Variants in GFM2 observed in about 807,000 individuals in gnomAD.
GFM2 encodes GTP dependent ribosome recycling factor mitochondrial 2.
GFM2 carries 72 observed loss-of-function variants against 95.4 expected under a neutral mutation model. The ratio of observed to expected loss-of-function variants is 0.76; its 90% CI spans 0.62 to 0.92. The LOEUF (loss-of-function observed/expected upper bound fraction) is 0.92. Ranked by LOEUF, GFM2 falls within the 40% of genes least tolerant of loss-of-function variation. GFM2 has a pLI of 0.00. For synonymous variants in GFM2, 276 were observed against 317.5 expected, an observed-to-expected ratio of 0.87 and a Z score of 1.39; for missense variants, 825 against 924.1, an observed-to-expected ratio of 0.89 and a Z score of 1.39.
At chr5:74,763,789 T>G in intron 1 of GFM2, 23 bp from the exon 2 acceptor site, 1 of 1,443,912 alleles carries the variant, frequency 6.9e-7, no homozygotes, top group Non-Finnish European at 9.7e-7. Flanking sequence ...ATATACAAAA[T>G]CAAAAAACTA....
intron 15 of GFM2, among the ~76,000 whole-genome samples, chr5:74,735,271 A>G (rs949201313): frequency 3.3e-5 from 5 of 152,126 alleles, no homozygotes; most frequent in Admixed American, 2.0e-4. Flanking sequence ...ACACAAAAAG[A>G]CTCAGTTTCA....
At chr5:74,746,344 C>T (rs576779043) in intron 8 of GFM2, among the ~76,000 whole-genome samples, 179 bp from the exon 9 acceptor site, 1 of 152,328 alleles carries the variant, frequency 6.6e-6, no homozygotes, top group East Asian at 1.9e-4. Context: ...CTGGAATAAA[C>T]TTTTATGTCA....
At position 74,759,376 on chromosome 5, in the gene GFM2, T is replaced by TG. The variant is rs928974343; in HGVS notation, c.198dup (p.Ile67HisfsTer3). The stretch of plus-strand genomic sequence containing the variant: ...TATAATGATAGTACTTACTTAGCTA[T>TG]GGGAGGATTGATGATGGAATGAAGG... On this transcript the variant is annotated frameshift_variant, in exon 4 of 21. Coordinates refer to ENST00000296805, the MANE Select transcript of GFM2 (RefSeq NM_032380.5). LOFTEE classifies it high-confidence loss of function. The TG allele has an allele frequency of 6.5e-7, 1 of 1,527,668 alleles. No individual in the cohort carries two copies. The highest frequency in any genetic ancestry group is 9.0e-7 in the Non-Finnish European group (1 of 1,107,094). The allele number at this position is 1,527,668 out of a possible 1,614,324, so 94.6% of individuals were successfully genotyped here. A position where few individuals can be genotyped will look rare whatever the true frequency, so the allele number is the denominator to read the frequency against.
Position 74,741,512 on chromosome 5 carries a change from T to G in GFM2, c.930+17A>C, listed in dbSNP as rs751051117. On this transcript the variant is annotated intron_variant, in intron 11 of 20. Transcript: ENST00000296805. Reference sequence around the variant, plus strand: ...ATTAGTAAAATTTTGTGAAAGCCATTGAATAATAAAATTTACCTTTTCAGC... The same window carrying G: ...ATTAGTAAAATTTTGTGAAAGCCATGGAATAATAAAATTTACCTTTTCAGC... 6.4e-6 allele frequency: 8 copies of G among 1,249,154 alleles called. No individual in the cohort carries two copies. The African/African-American group carries it at 1.2e-4, about 19-fold the overall frequency. The allele number at this position is 1,249,154 out of a possible 1,614,324, so 77.4% of individuals were successfully genotyped here. A position where few individuals can be genotyped will look rare whatever the true frequency, so the allele number is the denominator to read the frequency against.
intron 4 of GFM2, 30 bp from the exon 5 acceptor site, chr5:74,758,976 T>C (rs778068938): frequency 1.4e-6 from 2 of 1,443,784 alleles, no homozygotes; most frequent in Non-Finnish European, 9.7e-7. Flanking sequence ...AAGGTAAACT[T>C]TACTAAAATT....
chr5:74,761,322 C>T (rs550488029), intron 2 of GFM2, among the ~76,000 whole-genome samples: 1 of 152,252 alleles, frequency 6.6e-6, no homozygotes, highest in South Asian at 2.1e-4. Context: ...GGGGATGGAG[C>T]CAAACAATCT....
intron 17 of GFM2, among the ~76,000 whole-genome samples, chr5:74,726,492 CAAATAT>C (rs1561235338): frequency 1.3e-5 from 2 of 151,126 alleles, no homozygotes; most frequent in African/African-American, 4.8e-5. Context: ...AAAACCTTTA[CAAATAT>C]AAAAGGTAAG....
Position 74,745,782 on chromosome 5 carries a change from T to C in GFM2, c.745A>G (p.Asn249Asp), listed in dbSNP as rs1369220380. ...TCAAAGTCTTTTCCATCATTTGAAT[T>C]GCAATTCCAAAGAAGTTTTTCTTTC... ...VMKEKLLWNC[N>D]SNDGKDFERK... Residue 249 changes from asparagine to aspartate, a missense_variant, in exon 10 of 21, where the codon AAT (asparagine) becomes GAT (aspartate). Coordinates refer to ENST00000296805, the MANE Select transcript of GFM2 (RefSeq NM_032380.5). The C allele has an allele frequency of 6.2e-7, 1 of 1,613,546 alleles. No individual in the cohort carries two copies. The highest frequency in any genetic ancestry group is 1.3e-5 in the African/African-American group (1 of 74,936).
At chr5:74,745,113 C>T (rs894003356) in intron 10 of GFM2, among the ~76,000 whole-genome samples, 3 of 151,926 alleles carry the variant, frequency 2.0e-5, no homozygotes, top group East Asian at 1.9e-4. Context: ...CTGAGGTGGG[C>T]GATCACCTGA....
chr5:74,752,900 C>T (rs1330041192), intron 5 of GFM2, among the ~76,000 whole-genome samples: 1 of 152,158 alleles, frequency 6.6e-6, no homozygotes, highest in East Asian at 1.9e-4. Context: ...ACAAAAGAAT[C>T]TGAACAGTAG....
chr5:74,761,594 G>C (rs763744249), intron 2 of GFM2, among the ~76,000 whole-genome samples: 2 of 152,158 alleles, frequency 1.3e-5, no homozygotes, highest in Non-Finnish European at 2.9e-5. Context: ...GAGAGAAAAT[G>C]AGAACTGGAG....
rs372720848 is a variant in GFM2 at position 74,741,233 on chromosome 5, G to A, written c.930+296C>T. Among the ~76,000 whole-genome samples, 6 of 152,198 alleles carry A rather than the reference G, an allele frequency of 3.9e-5. No homozygotes were observed. The East Asian group carries it at 7.7e-4, about 20-fold the overall frequency. ...TCTGTGATTTCCCTAAACATCCTTA[G>A]AGGAATTATCAGAATGAAAAGACTA... is the stretch of plus-strand genomic sequence containing the variant. On this transcript the variant is annotated intron_variant, in intron 11 of 20. Transcript: ENST00000296805.
At chr5:74,722,173 C>G in intron 20 of GFM2, 1 of 558,494 alleles carries the variant, frequency 1.8e-6, no homozygotes, top group East Asian at 3.0e-5. Flanking sequence ...ACTGTAAATA[C>G]CCCCTTGTAG....
intron 12 of GFM2, among the ~76,000 whole-genome samples, chr5:74,738,972 T>G (rs1285200652): frequency 2.6e-5 from 4 of 152,242 alleles, no homozygotes; most frequent in Non-Finnish European, 4.4e-5. Context: ...GGTAAATAAA[T>G]AGGTACTTTC....
At position 74,748,926 on chromosome 5, in the gene GFM2, A is replaced by T. The variant is rs866715216; in HGVS notation, c.520-1146T>A. On this transcript the variant is annotated intron_variant, in intron 7 of 20. Coordinates refer to ENST00000296805, the MANE Select transcript of GFM2 (RefSeq NM_032380.5). ...AAATAAAATAAAAAAATAAAAAAAA[A>T]TAAAAAAAATAAAAAATAAAATAAA... Among the ~76,000 whole-genome samples, 40 of 136,332 alleles carry T rather than the reference A, an allele frequency of 2.9e-4. 1 individual carries two copies. Among genetic ancestry groups the T allele is most frequent in the African/African-American group, 1.1e-3 (37 of 35,118 alleles). The allele number at this position is 136,332 out of a possible 152,430, so 89.4% of individuals were successfully genotyped here. A position where few individuals can be genotyped will look rare whatever the true frequency, so the allele number is the denominator to read the frequency against.
intron 15 of GFM2, chr5:74,736,576 AAT>A: frequency 2.2e-6 from 3 of 1,394,024 alleles, no homozygotes; most frequent in Non-Finnish European, 2.8e-6. Flanking sequence ...GGAAGAATAT[AAT>A]ATGAGAAGAA....
chr5:74,763,787 AATCAAAAAAC>A (rs1347894580), intron 1 of GFM2, 21 bp from the exon 2 acceptor site: 5 of 1,492,750 alleles, frequency 3.3e-6, no homozygotes, highest in Middle Eastern at 1.7e-4. Context: ...AAATATACAA[AATCAAAAAAC>A]TAAACTTATG....
chr5:74,747,683 T>A lies in GFM2; in HGVS notation c.608+9A>T. 1 of 1,563,552 alleles carries A rather than the reference T, an allele frequency of 6.4e-7. No individual in the cohort carries two copies. The highest frequency in any genetic ancestry group is 1.1e-5 in the South Asian group (1 of 89,234). On this transcript the variant is annotated intron_variant, in intron 8 of 20. Transcript: ENST00000296805. The stretch of plus-strand genomic sequence containing the variant: ...ACCCTGATAAGCCAATGAAACACAT[T>A]TCAAATACCTTGCTCCAGTTTTGTC...
chr5:74,746,969 G>A (rs933507400), intron 8 of GFM2, among the ~76,000 whole-genome samples: 4 of 152,156 alleles, frequency 2.6e-5, no homozygotes, highest in Non-Finnish European at 5.9e-5. Flanking sequence ...TGTAGTTTTA[G>A]GGGAGGTATA....
Sources: gnomAD v4.1 joint callset for allele counts (sites outside exome capture counted in the v4.1 genomes callset) on GRCh38, gnomAD v4.1.1 for gene constraint, MANE v1.5 for transcripts, NCBI Gene and HGNC (gene_info 2026-07-23, HGNC 2026-07-21) for gene names.